The following CCNY variants were observed in gnomAD, a reference collection of about 807,000 sequenced individuals.
The protein encoded by CCNY is cyclin Y.
A neutral mutation model predicts 42.8 loss-of-function variants in CCNY; 19 were observed. That is an observed-to-expected ratio of 0.44 (90% CI 0.31 to 0.65). The LOEUF (loss-of-function observed/expected upper bound fraction) is 0.65, where lower values mean the gene tolerates loss of function less well. Among genes scored for constraint, CCNY ranks in the 30% least tolerant of loss-of-function variants. The pLI is 0.07. For synonymous variants in CCNY, 165 were observed against 162.7 expected, an observed-to-expected ratio of 1.01 and a Z score of -0.11; for missense variants, 370 against 437.3, an observed-to-expected ratio of 0.85 and a Z score of 1.37.
intron 3 of CCNY, among the ~76,000 whole-genome samples, chr10:35,309,726 G>C (rs569763979): frequency 6.6e-6 from 1 of 151,882 alleles, no homozygotes; most frequent in Non-Finnish European, 1.5e-5. Flanking sequence ...CAACCTCCAA[G>C]TCTTTGTTAA....
At chr10:35,426,424 A>G (rs184767238) in intron 1 of CCNY, among the ~76,000 whole-genome samples, 43 of 152,268 alleles carry the variant, frequency 2.8e-4, no homozygotes, top group African/African-American at 1.0e-3. Flanking sequence ...AGAAAACACC[A>G]CAGTTCAAAC....
intron 3 of CCNY, among the ~76,000 whole-genome samples, chr10:35,272,820 T>C (rs971234764): frequency 2.6e-5 from 4 of 152,158 alleles, no homozygotes; most frequent in African/African-American, 9.7e-5. Context: ...GGTGGTTCTG[T>C]TTTTAGGTCT....
rs747901500 is a variant in CCNY at position 35,281,290 on chromosome 10, A to ATTATTTAT, written c.-9+30679_-9+30686dup. Among the ~76,000 whole-genome samples the ATTATTTAT allele has an allele frequency of 2.6e-5, 4 of 151,684 alleles. No homozygotes were observed. In the East Asian group the frequency reaches 7.7e-4, roughly 29 times the overall value. On this transcript the variant is annotated intron_variant, in intron 3 of 11. Coordinates refer to the CCNY transcript ENST00000374706. ...GTACAGGAATTTTTATTATTTATTT[A>ATTATTTAT]TTATTTATTTATTTATTTATTTTGT...
At chr10:35,344,597 T>G (rs1836258607) in intron 1 of CCNY, among the ~76,000 whole-genome samples, 1 of 152,210 alleles carries the variant, frequency 6.6e-6, no homozygotes, top group Non-Finnish European at 1.5e-5. Context: ...AATTATACTT[T>G]AAGTTTTAGG....
chr10:35,357,617 C>T (rs1241129408), intron 1 of CCNY, among the ~76,000 whole-genome samples: 1 of 152,184 alleles, frequency 6.6e-6, no homozygotes, highest in Non-Finnish European at 1.5e-5. Flanking sequence ...TCTGTTTATC[C>T]CAGCATTGGG....
chr10:35,279,110 GTTTTTTTTTTTTT>G (rs869276523), intron 3 of CCNY, among the ~76,000 whole-genome samples: 2 of 102,814 alleles, frequency 1.9e-5, no homozygotes, highest in African/African-American at 7.8e-5. Flanking sequence ...AGCTTTCAAT[GTTTTTTTTTTTTT>G]TTTTTTTTTT....
At chr10:35,464,202 T>A (rs1333081283) in intron 1 of CCNY, among the ~76,000 whole-genome samples, 2 of 152,324 alleles carry the variant, frequency 1.3e-5, no homozygotes, top group African/African-American at 4.8e-5. Flanking sequence ...CTTAGCCCAG[T>A]GCATGGCCCC....
intron 1 of CCNY, among the ~76,000 whole-genome samples, chr10:35,421,834 C>T (rs1489773464): frequency 2.0e-5 from 3 of 152,198 alleles, no homozygotes; most frequent in African/African-American, 7.2e-5. Flanking sequence ...TCAGAGGTTT[C>T]TCTTGACAGT....
intron 3 of CCNY, among the ~76,000 whole-genome samples, chr10:35,259,651 C>T (rs1349367587): frequency 6.9e-6 from 1 of 145,780 alleles, no homozygotes; most frequent in Non-Finnish European, 1.5e-5. Flanking sequence ...TACAGACACA[C>T]ACCATCATGC....
At chr10:35,467,280 A>G (rs906895765) in intron 1 of CCNY, among the ~76,000 whole-genome samples, 4 of 152,146 alleles carry the variant, frequency 2.6e-5, no homozygotes, top group African/African-American at 9.7e-5. Context: ...TAAATGGATT[A>G]TTTTTTATTG....
At chr10:35,553,359 T>C (rs1167672615) in intron 8 of CCNY, among the ~76,000 whole-genome samples, 174 bp downstream of exon 8, 1 of 152,236 alleles carries the variant, frequency 6.6e-6, no homozygotes, top group Non-Finnish European at 1.5e-5. Flanking sequence ...TATGAAAACC[T>C]GCATTTCTCA....
intron 1 of CCNY, among the ~76,000 whole-genome samples, chr10:35,458,300 A>G (rs1839081807): frequency 6.6e-6 from 1 of 152,172 alleles, no homozygotes; most frequent in Admixed American, 6.5e-5. Flanking sequence ...CCAAGGGTGG[A>G]GAGAATCTCA....
intron 1 of CCNY, among the ~76,000 whole-genome samples, chr10:35,444,868 G>A (rs1039838175): frequency 4.6e-5 from 7 of 152,178 alleles, no homozygotes; most frequent in Admixed American, 2.0e-4. Context: ...TGAATAGTCC[G>A]GGCGACAGAT....
chr10:35,568,711 C>T (rs1412608846), intron 9 of CCNY, among the ~76,000 whole-genome samples: 2 of 152,202 alleles, frequency 1.3e-5, no homozygotes, highest in Non-Finnish European at 2.9e-5. Flanking sequence ...CAGGTGAGGA[C>T]GCCAAGGATT....
intron 3 of CCNY, among the ~76,000 whole-genome samples, chr10:35,310,173 T>A (rs1013113026): frequency 1.3e-5 from 2 of 152,194 alleles, no homozygotes; most frequent in Admixed American, 1.3e-4. Flanking sequence ...AGAGATCATG[T>A]GGTATTTGTC....
chr10:35,262,014 T>A (rs2095720071), intron 3 of CCNY, among the ~76,000 whole-genome samples: 1 of 150,190 alleles, frequency 6.7e-6, no homozygotes, highest in Non-Finnish European at 1.5e-5. Context: ...AGAGTGAAAC[T>A]TCATCTCAAA....
chr10:35,482,681 G>T (rs1400043826), intron 1 of CCNY, among the ~76,000 whole-genome samples: 2 of 151,490 alleles, frequency 1.3e-5, no homozygotes, highest in African/African-American at 4.9e-5. Flanking sequence ...GCTTCAGCCA[G>T]TTGTGTCCAC....
chr10:35,457,524 T>C (rs1476354024), intron 1 of CCNY, among the ~76,000 whole-genome samples: 1 of 152,222 alleles, frequency 6.6e-6, no homozygotes, highest in South Asian at 2.1e-4. Context: ...CAGATTTATA[T>C]GTTTAATCTC....
intron 1 of CCNY, among the ~76,000 whole-genome samples, chr10:35,373,722 C>T (rs1267055326): frequency 2.6e-5 from 4 of 151,808 alleles, no homozygotes; most frequent in African/African-American, 9.7e-5. Context: ...ATAGCAGTTT[C>T]TTTTCAGTAG....
Sources: allele counts gnomAD v4.1 joint callset (sites outside exome capture counted in the v4.1 genomes callset), GRCh38; gene constraint gnomAD v4.1.1; transcripts MANE v1.5; gene names NCBI Gene and HGNC (gene_info 2026-07-23, HGNC 2026-07-21).